Variants in WDR64 observed in about 807,000 individuals in gnomAD.
WDR64 encodes the protein WD repeat domain 64, also known as WD repeat-containing protein 64.
A neutral mutation model predicts 139.3 loss-of-function variants in WDR64; 112 were observed. The observed-to-expected ratio is 0.80, with a 90% CI of 0.69 to 0.94. The LOEUF is 0.94. Among genes scored for constraint, WDR64 ranks in the 40% least tolerant of loss-of-function variants. WDR64 has a pLI of 0.00. For missense variants in WDR64, 1,206 were observed against 1,293.1 expected (o/e 0.93, Z 1.03); for synonymous variants, 444 against 437.7 (o/e 1.01, Z -0.18).
chr1:241,670,233 T>A (rs980819580), intron 2 of WDR64, among the ~76,000 whole-genome samples: 2 of 151,634 alleles, frequency 1.3e-5, no homozygotes, highest in Non-Finnish European at 2.9e-5. Context: ...TTCCTCACAA[T>A]TTTTTTTTCA....
chr1:241,654,697 CCCAAAAT>C (rs1665511106), intron 1 of WDR64, among the ~76,000 whole-genome samples: 1 of 152,144 alleles, frequency 6.6e-6, no homozygotes, highest in African/African-American at 2.4e-5. Flanking sequence ...CATCCCTGAT[CCCAAAAT>C]CCAAAATCTA....
At chr1:241,771,783 A>T in intron 19 of WDR64, 86 bp downstream of exon 19, 1 of 769,712 alleles carries the variant, frequency 1.3e-6, no homozygotes, top group Non-Finnish European at 1.8e-6. Context: ...CTTAATGAAT[A>T]TATATATTCC....
chr1:241,740,454 G>C (rs1174986736), intron 11 of WDR64, among the ~76,000 whole-genome samples: 2 of 152,106 alleles, frequency 1.3e-5, no homozygotes, highest in African/African-American at 2.4e-5. Flanking sequence ...ATTTACACAT[G>C]AACAGGTTTT....
intron 2 of WDR64, among the ~76,000 whole-genome samples, chr1:241,665,272 T>C (rs949957245): frequency 2.6e-5 from 4 of 152,176 alleles, no homozygotes; most frequent in African/African-American, 9.7e-5. Flanking sequence ...ACAAATTATT[T>C]GTGTCAGTGC....
chr1:241,777,367 G>A (rs79265366), intron 21 of WDR64, among the ~76,000 whole-genome samples: 2,422 of 151,704 alleles, frequency 0.016, 84 homozygotes, highest in African/African-American at 0.055. Context: ...GTTTCCATGT[G>A]AGCAATGCTC....
intron 4 of WDR64, chr1:241,676,072 T>C (rs1372217976): frequency 1.3e-5 from 2 of 152,208 alleles, no homozygotes; most frequent in South Asian, 4.1e-4. Flanking sequence ...AATTTTATCA[T>C]AATTTTCAGT....
At chr1:241,678,010 G>T (rs953713514) in intron 4 of WDR64, among the ~76,000 whole-genome samples, 177 bp from the exon 5 acceptor site, 5 of 152,238 alleles carry the variant, frequency 3.3e-5, no homozygotes, top group African/African-American at 1.2e-4. Flanking sequence ...ACAGCAAACA[G>T]TGTGCATTAT....
rs756645172 is a variant in WDR64 at position 241,797,741 on chromosome 1, T to C, written c.3192+1371T>C. Among the ~76,000 whole-genome samples the C allele has an allele frequency of 5.3e-5, 8 of 152,178 alleles. No homozygotes were observed. The South Asian group carries it at 1.0e-3, about 20-fold the overall frequency. On this transcript the variant is annotated intron_variant, in intron 27 of 27. Transcript: ENST00000437684. ...TTTACTTTTAATTGTTTTATGTAAC[T>C]GATGAAACACAGTTGTATAAATAAT...
rs1658391560 is a variant in WDR64, at chr1:241,770,601, C to T, written c.2184-20C>T. 3 of 1,548,212 alleles carry T rather than the reference C, an allele frequency of 1.9e-6. No individual in the cohort carries two copies. The highest frequency in any genetic ancestry group is 2.6e-6 in the Non-Finnish European group (3 of 1,145,418). On this transcript the variant is annotated intron_variant, in intron 17 of 27. Transcript: ENST00000437684. The stretch of plus-strand genomic sequence containing the variant: ...CATATCTTAAAGTTTTACCTGTGGG[C>T]TTCCCCACTCCCCTTATAGGAGATC...
chr1:241,688,911 G>C (rs1253859449), intron 8 of WDR64, among the ~76,000 whole-genome samples: 1 of 152,128 alleles, frequency 6.6e-6, no homozygotes, highest in African/African-American at 2.4e-5. Flanking sequence ...TTCTGGCGGA[G>C]GGGAAGGAAA....
At chr1:241,793,219 A>G (rs1347027574) in intron 25 of WDR64, among the ~76,000 whole-genome samples, 1 of 152,232 alleles carries the variant, frequency 6.6e-6, no homozygotes, top group African/African-American at 2.4e-5. Context: ...ATAAGGTAAA[A>G]TTATATAAAC....
At chr1:241,688,077 C>T (rs1265997459) in intron 8 of WDR64, among the ~76,000 whole-genome samples, 2 of 151,990 alleles carry the variant, frequency 1.3e-5, no homozygotes, top group Non-Finnish European at 2.9e-5. Context: ...ACTAGAAAAC[C>T]GATATTGTAT....
chr1:241,667,121 A>T (rs1666052379), intron 2 of WDR64, among the ~76,000 whole-genome samples: 1 of 152,220 alleles, frequency 6.6e-6, no homozygotes, highest in Admixed American at 6.5e-5. Flanking sequence ...AGGAGACATA[A>T]TTTCAAATTA....
intron 10 of WDR64, among the ~76,000 whole-genome samples, chr1:241,728,545 A>G (rs1668945090): frequency 6.6e-6 from 1 of 152,178 alleles, no homozygotes; most frequent in Non-Finnish European, 1.5e-5. Flanking sequence ...AGCTCTTAAA[A>G]TAGCAAGATT....
At position 241,662,435 on chromosome 1, in the gene WDR64, C is replaced by T. The variant is rs75391715; in HGVS notation, c.276+1775C>T. On this transcript the variant is annotated intron_variant, in intron 2 of 27. Coordinates refer to ENST00000437684, the MANE Select transcript of WDR64 (RefSeq NM_001367482.1). ...TCAGCTTCTTGTTGACTGGAGGCTG[C>T]AAGCGTCCCTCTTGTCCTAGAAGCT... Among the ~76,000 whole-genome samples, 610 of 152,296 alleles carry T rather than the reference C, an allele frequency of 4.0e-3. 4 individuals are homozygous for T. The highest frequency in any genetic ancestry group is 0.014 in the African/African-American group (576 of 41,572).
Position 241,757,649 on chromosome 1 carries a change from GTTTTT to G in WDR64, c.1947+208_1947+212del, listed in dbSNP as rs35256499. ...CACCACGACCACCACCAATGGATTT[GTTTTT>G]TTTTTTTTTTTTTTTTTGAGACAGG... On this transcript the variant is annotated intron_variant, in intron 15 of 27. Coordinates refer to ENST00000437684, the MANE Select transcript of WDR64 (RefSeq NM_001367482.1). 5.0e-3 allele frequency among the ~76,000 whole-genome samples: 473 copies of G among 95,244 alleles called. 3 individuals carry two copies. The highest frequency in any genetic ancestry group is 0.018 in the African/African-American group (456 of 24,728). 62.5% of individuals were successfully genotyped at this position (95,244 alleles called of 152,430 possible). A position where few individuals can be genotyped will look rare whatever the true frequency, so the allele number is the denominator to read the frequency against.
At chr1:241,798,498 A>G (rs977380694) in intron 27 of WDR64, among the ~76,000 whole-genome samples, 1 of 152,240 alleles carries the variant, frequency 6.6e-6, no homozygotes. Context: ...GCCTAAATGG[A>G]AAAACAGTGG....
chr1:241,765,428 T>C (rs1237137432), intron 15 of WDR64, among the ~76,000 whole-genome samples: 1 of 152,010 alleles, frequency 6.6e-6, no homozygotes, highest in African/African-American at 2.4e-5. Flanking sequence ...TATTAATATT[T>C]AAAAGACTGG....
intron 23 of WDR64, among the ~76,000 whole-genome samples, chr1:241,786,204 T>C (rs1357864737): frequency 1.3e-5 from 2 of 152,218 alleles, no homozygotes; most frequent in Admixed American, 1.3e-4. Context: ...AAGTCCCAAA[T>C]AGATACCTCT....
Sources: allele counts gnomAD v4.1 joint callset (sites outside exome capture counted in the v4.1 genomes callset), GRCh38; gene constraint gnomAD v4.1.1; transcripts MANE v1.5; gene names NCBI Gene and HGNC (gene_info 2026-07-23, HGNC 2026-07-21).